Variants in BCOR observed in about 807,000 individuals in gnomAD.
BCOR encodes BCL6 corepressor.
A neutral mutation model predicts 86.7 loss-of-function variants in BCOR; 10 were observed. That is an observed-to-expected ratio of 0.12 (90% CI 0.07 to 0.20). BCOR has a LOEUF of 0.20. BCOR is among the 10% of genes least tolerant of loss of function. The pLI is 1.00. For missense variants in BCOR, 1,259 were observed against 1,452.1 expected (o/e 0.87, Z 2.16); for synonymous variants, 611 against 609.0 (o/e 1.00, Z -0.05).
At chrX:40,116,025 A>G (rs1311015651) in intron 1 of BCOR, among the ~76,000 whole-genome samples, 1 of 111,392 alleles carries the variant, frequency 9.0e-6, no homozygotes. Flanking sequence ...ATAACATGGG[A>G]AGAACTCATC....
intron 11 of BCOR, 78 bp downstream of exon 11, chrX:40,057,077 A>G (rs1602110962): frequency 9.2e-7 from 1 of 1,090,726 alleles, no homozygotes; most frequent in Admixed American, 2.2e-5. Flanking sequence ...TTTCCCGTAT[A>G]CACTGAGAAC....
intron 1 of BCOR, among the ~76,000 whole-genome samples, chrX:40,087,841 G>A (rs1049118766): frequency 8.9e-6 from 1 of 112,386 alleles, no homozygotes; most frequent in African/African-American, 3.2e-5. Flanking sequence ...TAAATACAAA[G>A]GATGGAGGCT....
rs868191018 is a variant in BCOR at position 40,160,534 on chromosome X, T to A, written c.-41+16473A>T. On this transcript the variant is annotated intron_variant, in intron 1 of 14. Transcript: ENST00000342274. ...CTGTCTCAAAAAAAAAAAAAAAAAA[T>A]CAGTCAATCAATAAAAAGAAGGCTC... is the stretch of plus-strand genomic sequence containing the variant. Among the ~76,000 whole-genome samples the A allele has an allele frequency of 4.5e-3, 415 of 91,846 alleles. 1 individual carries two copies. The highest frequency in any genetic ancestry group is 0.018 in the African/African-American group (393 of 21,681). The allele number at this position is 91,846 out of a possible 115,157, so 79.8% of individuals were successfully genotyped here.
chrX:40,068,576 C>G (rs1385019810), intron 6 of BCOR, among the ~76,000 whole-genome samples: 1 of 112,260 alleles, frequency 8.9e-6, no homozygotes, highest in Non-Finnish European at 1.9e-5. Context: ...GACAGACACC[C>G]AAATTCAAGA....
At chrX:40,119,592 TCACAG>T (rs1211095135) in intron 1 of BCOR, among the ~76,000 whole-genome samples, 5 of 110,401 alleles carry the variant, frequency 4.5e-5, no homozygotes, top group African/African-American at 1.7e-4. Context: ...TGAGCTGTGA[TCACAG>T]CACTGCACTC....
In BCOR at chrX:40,063,892, T is replaced by C. The variant is rs747676575; in HGVS notation, c.3563A>G (p.Tyr1188Cys). 1 of 1,211,735 alleles carries C rather than the reference T, an allele frequency of 8.3e-7. No individual in the cohort carries two copies. The highest frequency in any genetic ancestry group is 3.0e-5 in the East Asian group (1 of 33,838). ...SSSNHLEDPH[Y>C]SELTNLKVCI... ...CACCTTCAGGTTGGTCAGCTCACTA[T>C]AATGTGGGTCTTCTAAGTGGTTAGA... Residue 1188 changes from tyrosine to cysteine, a missense_variant, in exon 8 of 15, where the codon TAT (tyrosine) becomes TGT (cysteine). Physicochemically the swap from Tyr to Cys is radical, Grantham distance 194. Transcript: ENST00000378444.
At position 40,062,290 on chromosome X, in the gene BCOR, A is replaced by T. The variant is rs2147010040; in HGVS notation, c.4277T>A (p.Leu1426Gln). ...CAGCTGTGTGGACTGGGAGGCTGGT[A>T]GCAGTTGCTGCAAGCGGTCGAAGGG... ...PKPFDRLQQLLPASQSTQLPC... is the reference protein window; with the variant it reads ...PKPFDRLQQLQPASQSTQLPC... Residue 1426 changes from leucine (L) to glutamine (Q), a missense_variant, in exon 10 of 15, where the codon CTA (leucine) becomes CAA (glutamine). Physicochemically the swap from Leu to Gln is moderately radical, Grantham distance 113. Coordinates refer to ENST00000378444, the MANE Select transcript of BCOR (RefSeq NM_001123385.2). The T allele has an allele frequency of 1.7e-6, 2 of 1,210,685 alleles. No homozygotes were observed.
At chrX:40,155,819 G>A (rs887426486) in intron 1 of BCOR, among the ~76,000 whole-genome samples, 6 of 112,797 alleles carry the variant, frequency 5.3e-5, no homozygotes, top group African/African-American at 1.9e-4. Context: ...GCGCGCCGCG[G>A]GCCCGCGTGA....
chrX:40,074,500 G>A lies in BCOR; in HGVS notation c.846C>T (p.Cys282=), dbSNP rs371921401. Residue 282 remains cysteine, a synonymous_variant, in exon 4 of 15, where the codon TGC becomes TGT. Transcript: ENST00000378444. Reference sequence around the variant, plus strand: ...TCTTCCACGGGAGGCTTTTGTCTGCGCAATGGACGAGAGGCGGGATGGCTG... The same window carrying A: ...TCTTCCACGGGAGGCTTTTGTCTGCACAATGGACGAGAGGCGGGATGGCTG... ...ASPAIPPLVH[C]ADKSLPWKMG... 7 of 1,206,076 alleles carry A rather than the reference G, an allele frequency of 5.8e-6. No homozygotes were observed. The highest frequency in any genetic ancestry group is 5.9e-5 in the East Asian group (2 of 33,616).
At chrX:40,098,500 C>T (rs1936999371), upstream of BCOR, among the ~76,000 whole-genome samples, 1 of 111,511 alleles carries the variant, frequency 9.0e-6, no homozygotes. Context: ...CTCCCAGCCG[C>T]GCGCCGAGAC....
In BCOR at chrX:40,162,184, A is replaced by G. The variant is rs1169084528; in HGVS notation, c.-41+14823T>C. ...TTTTGACCTCTATCTGTCCTGTGTC[A>G]CCTTCTCTTTTCTTCTGGATCAGAG... On this transcript the variant is annotated intron_variant, in intron 1 of 14. Coordinates refer to the BCOR transcript ENST00000342274. 2.7e-5 allele frequency among the ~76,000 whole-genome samples: 3 copies of G among 112,118 alleles called. No homozygotes were observed. The East Asian group carries it at 8.4e-4, about 31-fold the overall frequency.
intron 1 of BCOR, among the ~76,000 whole-genome samples, chrX:40,107,763 C>T (rs1937219895): frequency 8.8e-6 from 1 of 113,368 alleles, no homozygotes; most frequent in African/African-American, 3.2e-5. Context: ...GTTTGGCGCC[C>T]CTCCCCTCTC....
rs1197348343 is a variant in BCOR, at chrX:40,075,170, C to T, written c.176G>A (p.Ser59Asn). 8.3e-7 allele frequency: 1 copy of T among 1,204,917 alleles called. No individual in the cohort carries two copies. Among genetic ancestry groups the T allele is most frequent in the Admixed American group, 2.2e-5 (1 of 45,327 alleles). The stretch of plus-strand genomic sequence containing the variant: ...CAGGCCATCGATCCTATGGGCCGTG[C>T]TCGCATCCACCTTTGCAGAAGAACA... ...NPLNHNVVDA[S>N]TAHRIDGLAA... Residue 59 changes from serine (S) to asparagine (N), a missense_variant, in exon 4 of 15, where the codon AGC becomes AAC. Coordinates refer to ENST00000378444, the MANE Select transcript of BCOR (RefSeq NM_001123385.2).
At chrX:40,142,274 A>C (rs1018387632) in intron 1 of BCOR, among the ~76,000 whole-genome samples, 2 of 111,946 alleles carry the variant, frequency 1.8e-5, no homozygotes, top group Non-Finnish European at 3.8e-5. Context: ...TGCCACAAAC[A>C]TGTCACCCTG....
At chrX:40,140,642 G>A (rs972645680) in intron 1 of BCOR, among the ~76,000 whole-genome samples, 10 of 112,497 alleles carry the variant, frequency 8.9e-5, no homozygotes, top group East Asian at 5.6e-4. Context: ...CTTGTTAACC[G>A]GGGGTTTCCC....
rs755123790 is a variant in BCOR, at chrX:40,073,702, G to A, written c.1644C>T (p.Gly548=). ...QQRSSSCPRM[G]GTDAVITNVS... ...CGTTAGTGATGACAGCATCGGTGCC[G>A]CCCATGCGCGGGCATGATGAACTCC... The change falls in exon 4 of 15, where the codon GGC becomes GGT. Residue 548 remains glycine (G), a synonymous_variant. Coordinates refer to ENST00000378444, the MANE Select transcript of BCOR (RefSeq NM_001123385.2). The A allele has an allele frequency of 1.7e-5, 20 of 1,211,680 alleles. No homozygotes were observed. The East Asian group carries it at 3.5e-4, about 21-fold the overall frequency.
upstream of BCOR, among the ~76,000 whole-genome samples, chrX:40,100,543 G>T (rs966630201): frequency 1.8e-5 from 2 of 111,566 alleles, no homozygotes; most frequent in African/African-American, 6.5e-5. Context: ...GCCTCCCGGG[G>T]CTGCTGACAA....
intron 1 of BCOR, among the ~76,000 whole-genome samples, chrX:40,085,249 TG>T (rs2147489884): frequency 8.9e-6 from 1 of 112,542 alleles, no homozygotes; most frequent in South Asian, 3.7e-4. Context: ...TGCATTTGCT[TG>T]GGGGAAAAAA....
intron 1 of BCOR, among the ~76,000 whole-genome samples, chrX:40,139,495 ATAT>A (rs1452818626): frequency 1.8e-4 from 1 of 5,586 alleles, no homozygotes; most frequent in African/African-American, 6.8e-4. Flanking sequence ...ATATATATAT[ATAT>A]TTTTTTTTTT....
Sources: gnomAD v4.1 joint callset for allele counts (sites outside exome capture counted in the v4.1 genomes callset) on GRCh38, gnomAD v4.1.1 for gene constraint, MANE v1.5 for transcripts, NCBI Gene and HGNC (gene_info 2026-07-23, HGNC 2026-07-21) for gene names.